The following CFAP92 variants were observed in gnomAD, a reference collection of about 807,000 sequenced individuals.
CFAP92 encodes the protein cilia and flagella associated protein 92 (putative).
A neutral mutation model predicts 106.3 loss-of-function variants in CFAP92; 86 were observed. That is an observed-to-expected ratio of 0.81 (90% CI 0.68 to 0.97). The LOEUF (loss-of-function observed/expected upper bound fraction) is 0.97. Ranked by LOEUF, CFAP92 falls within the 50% of genes least tolerant of loss-of-function variation. CFAP92 has a pLI of 0.00. For missense variants in CFAP92, 1,204 were observed against 1,283.8 expected, an observed-to-expected ratio of 0.94 and a Z score of 0.95; for synonymous variants, 477 against 506.4, an observed-to-expected ratio of 0.94 and a Z score of 0.78.
chr3:128,921,807 G>A (rs1937313545), intron 12 of CFAP92, among the ~76,000 whole-genome samples: 2 of 152,124 alleles, frequency 1.3e-5, no homozygotes, highest in East Asian at 3.9e-4. Flanking sequence ...GGCATATCCG[G>A]CACAGCCAGT....
At chr3:128,982,485 AG>A (rs1943594589) in intron 4 of CFAP92, among the ~76,000 whole-genome samples, 2 of 152,176 alleles carry the variant, frequency 1.3e-5, no homozygotes. Flanking sequence ...ATCAGCTATA[AG>A]GCTGTTTCAC....
At chr3:128,998,814 T>C (rs1458644660), upstream of CFAP92, among the ~76,000 whole-genome samples, 1 of 152,192 alleles carries the variant, frequency 6.6e-6, no homozygotes, top group Admixed American at 6.5e-5. Flanking sequence ...TGGCGCCCTT[T>C]CCACTGTGCT....
chr3:129,002,855 A>G (rs1056701696), upstream of CFAP92, among the ~76,000 whole-genome samples: 1 of 152,282 alleles, frequency 6.6e-6, no homozygotes, highest in Middle Eastern at 3.4e-3. Flanking sequence ...GAAACAGACA[A>G]TGTGGCTCAC....
upstream of CFAP92, among the ~76,000 whole-genome samples, chr3:129,004,264 G>C (rs1944960107): frequency 6.6e-6 from 1 of 152,058 alleles, no homozygotes; most frequent in African/African-American, 2.4e-5. Flanking sequence ...TCCATTGCTT[G>C]CTCTGCAACC....
intron 10 of CFAP92, among the ~76,000 whole-genome samples, chr3:128,936,202 T>C (rs913352437): frequency 6.6e-6 from 1 of 152,284 alleles, no homozygotes; most frequent in African/African-American, 2.4e-5. Flanking sequence ...CTCTGCCTTT[T>C]TGAACCTGGT....
At chr3:128,947,247 T>A (rs1284190644) in intron 9 of CFAP92, among the ~76,000 whole-genome samples, 1 of 151,580 alleles carries the variant, frequency 6.6e-6, no homozygotes. Flanking sequence ...AAAAAAGATG[T>A]AAATAAATGG....
rs571015299 is a variant in CFAP92 at position 128,910,236 on chromosome 3, G to A, written c.*63C>T. ...TGAAGTTGATTGTTGAGGAGGGTGT[G>A]GTCGGGTGTGGGGGAGGCTGTGCAG... is the stretch of plus-strand genomic sequence containing the variant. On this transcript the variant is annotated 3_prime_UTR_variant, in exon 16 of 16. Coordinates refer to ENST00000645291, the MANE Select transcript of CFAP92 (RefSeq NM_001394090.1). The A allele has an allele frequency of 2.5e-6, 4 of 1,592,592 alleles. No individual in the cohort carries two copies. In the East Asian group the frequency reaches 6.8e-5, roughly 27 times the overall value.
At chr3:128,912,352 C>T (rs949584250) in intron 15 of CFAP92, among the ~76,000 whole-genome samples, 1 of 152,154 alleles carries the variant, frequency 6.6e-6, no homozygotes, top group African/African-American at 2.4e-5. Flanking sequence ...CCCTGCAGCC[C>T]TGAATCACTT....
intron 12 of CFAP92, among the ~76,000 whole-genome samples, chr3:128,923,557 A>T (rs1490994760): frequency 6.6e-6 from 1 of 152,184 alleles, no homozygotes; most frequent in Admixed American, 6.5e-5. Context: ...TGCAGCCCTT[A>T]GGATTAAAGG....
chr3:128,931,892 G>A (rs1559864259), intron 12 of CFAP92, among the ~76,000 whole-genome samples: 1 of 152,016 alleles, frequency 6.6e-6, no homozygotes, highest in Non-Finnish European at 1.5e-5. Context: ...CAGGTGTGGT[G>A]GCGCATGCCT....
At chr3:129,008,717 G>T in the CFAP92 span, among the ~76,000 whole-genome samples, 2 of 152,304 alleles carry the variant, frequency 1.3e-5, no homozygotes, top group African/African-American at 4.8e-5. Context: ...GGAGTTGCAG[G>T]TGAAATAGAA....
intron 12 of CFAP92, among the ~76,000 whole-genome samples, chr3:128,924,803 T>C (rs1280235503): frequency 6.6e-6 from 1 of 152,192 alleles, no homozygotes; most frequent in Non-Finnish European, 1.5e-5. Context: ...GCAGAACATG[T>C]TCCACATGCT....
At chr3:128,950,048 C>T (rs1018115010) in intron 9 of CFAP92, among the ~76,000 whole-genome samples, 11 of 151,860 alleles carry the variant, frequency 7.2e-5, no homozygotes, top group Non-Finnish European at 1.3e-4. Flanking sequence ...ATCAATTTTA[C>T]TGTAGAAAAA....
the CFAP92 span, among the ~76,000 whole-genome samples, chr3:129,024,600 A>G: frequency 1.3e-5 from 2 of 152,168 alleles, no homozygotes; most frequent in Non-Finnish European, 2.9e-5. Context: ...GCTGGGAAGT[A>G]AAGGGCATGT....
the CFAP92 span, among the ~76,000 whole-genome samples, chr3:129,010,005 C>T: frequency 6.6e-6 from 1 of 152,254 alleles, no homozygotes; most frequent in Non-Finnish European, 1.5e-5. The surrounding 1 kb of genome is among the most constrained non-coding windows in gnomAD (Gnocchi z 4.3). Context: ...CTTGGCACTT[C>T]TGTGGCCTAG....
intron 7 of CFAP92, 97 bp downstream of exon 7, chr3:128,975,682 T>A (rs1943108789): frequency 1.9e-6 from 2 of 1,056,930 alleles, no homozygotes; most frequent in East Asian, 5.4e-5. Flanking sequence ...TTGTCAAATA[T>A]GCAAGAATCT....
intron 12 of CFAP92, among the ~76,000 whole-genome samples, chr3:128,917,073 C>T (rs1283799232): frequency 6.6e-6 from 1 of 152,128 alleles, no homozygotes; most frequent in African/African-American, 2.4e-5. Flanking sequence ...TTGTGATTCA[C>T]ACACATGAAA....
At chr3:128,943,598 C>T (rs62265307) in intron 10 of CFAP92, among the ~76,000 whole-genome samples, 4,364 of 151,762 alleles carry the variant, frequency 0.029, 101 homozygotes, top group South Asian at 0.11. Context: ...TGCAGTGGCA[C>T]GATCTCGGCT....
intron 10 of CFAP92, among the ~76,000 whole-genome samples, chr3:128,944,632 G>A (rs1347448647): frequency 6.6e-6 from 1 of 152,184 alleles, no homozygotes; most frequent in East Asian, 1.9e-4. Flanking sequence ...CCCAGAATTG[G>A]ACACTTTAAT....
Sources: allele counts gnomAD v4.1 joint callset (sites outside exome capture counted in the v4.1 genomes callset), GRCh38; gene constraint gnomAD v4.1.1; non-coding constraint Gnocchi (gnomAD v3.1); transcripts MANE v1.5; gene names NCBI Gene and HGNC (gene_info 2026-07-23, HGNC 2026-07-21).